The following CCDC63 variants were observed in gnomAD, a reference collection of about 807,000 sequenced individuals.
CCDC63 encodes coiled-coil domain containing 63.
CCDC63 carries 54 observed loss-of-function variants against 63.6 expected under a neutral mutation model. The ratio of observed to expected loss-of-function variants is 0.85; its 90% confidence interval spans 0.68 to 1.07. The LOEUF (loss-of-function observed/expected upper bound fraction) is 1.07. CCDC63 is among the 50% of genes least tolerant of loss of function. The probability of loss-of-function intolerance (pLI) is 0.00; values close to 1 mark genes in which losing one functional copy is unlikely to be tolerated. For missense variants in CCDC63, 637 were observed against 689.6 expected, an observed-to-expected ratio of 0.92 and a Z score of 0.86; for synonymous variants, 253 against 266.1, an observed-to-expected ratio of 0.95 and a Z score of 0.48.
intron 5 of CCDC63, among the ~76,000 whole-genome samples, chr12:110,876,123 AG>A (rs1210463165): frequency 6.9e-6 from 1 of 145,868 alleles, no homozygotes; most frequent in African/African-American, 2.5e-5. Flanking sequence ...AAAAAAAAAA[AG>A]GTTAGGCAGC....
chr12:110,866,366 A>G, intron 4 of CCDC63, among the ~76,000 whole-genome samples: 1 of 141,262 alleles, frequency 7.1e-6, no homozygotes, highest in African/African-American at 2.7e-5. Flanking sequence ...TTTCTCACAG[A>G]GGGGGATTTG....
chr12:110,898,547 G>A (rs1008834921), intron 9 of CCDC63, among the ~76,000 whole-genome samples: 1 of 151,096 alleles, frequency 6.6e-6, no homozygotes, highest in African/African-American at 2.4e-5. Context: ...GAACCTGGGA[G>A]GCAGAGGTTG....
intron 10 of CCDC63, among the ~76,000 whole-genome samples, chr12:110,901,870 A>G (rs1233840787): frequency 6.6e-6 from 1 of 151,474 alleles, no homozygotes; most frequent in Non-Finnish European, 1.5e-5. Flanking sequence ...TGCTCTCATC[A>G]CCTAGGCTGG....
At chr12:110,880,548 G>A (rs1346569918) in intron 6 of CCDC63, among the ~76,000 whole-genome samples, 2 of 151,798 alleles carry the variant, frequency 1.3e-5, no homozygotes, top group African/African-American at 2.4e-5. Context: ...GTCAGATCTG[G>A]GTTTAAATCC....
At chr12:110,870,637 T>C (rs957448849) in intron 4 of CCDC63, among the ~76,000 whole-genome samples, 3 of 152,132 alleles carry the variant, frequency 2.0e-5, no homozygotes, top group African/African-American at 7.2e-5. Context: ...CCCATTGCCC[T>C]TCTATGAGGC....
At chr12:110,867,859 G>T (rs2070993632) in intron 4 of CCDC63, among the ~76,000 whole-genome samples, 1 of 151,836 alleles carries the variant, frequency 6.6e-6, no homozygotes, top group African/African-American at 2.4e-5. Flanking sequence ...CCCGGACGGG[G>T]TGGCTGCCAG....
At position 110,889,004 on chromosome 12, in the gene CCDC63, T is replaced by A; in HGVS notation, c.1075-4072T>A. Among the ~76,000 whole-genome samples the A allele has an allele frequency of 6.6e-6, 1 of 152,114 alleles. No homozygotes were observed. Among genetic ancestry groups the A allele is most frequent in the Non-Finnish European group, 1.5e-5 (1 of 68,030 alleles). On this transcript the variant is annotated intron_variant, in intron 8 of 11. Coordinates refer to ENST00000308208, the MANE Select transcript of CCDC63 (RefSeq NM_152591.3). The surrounding 1 kb of genome is among the most constrained non-coding windows in gnomAD (Gnocchi z 4.1). ...GTCTCATCTCAGCCTCCAGAGTGGC[T>A]GGGACTACAGGCACACACCACCACA...
chr12:110,850,479 C>T (rs185949054), intron 1 of CCDC63, among the ~76,000 whole-genome samples: 56 of 152,280 alleles, frequency 3.7e-4, no homozygotes, highest in Admixed American at 2.2e-3. Context: ...TGGTGGTTCA[C>T]GCCTGTAATC....
At chr12:110,874,076 G>T in intron 5 of CCDC63, 115 bp downstream of exon 5, 2 of 1,384,012 alleles carry the variant, frequency 1.4e-6, no homozygotes, top group South Asian at 1.5e-5. Flanking sequence ...GTTGACTCAG[G>T]AGCAGGTGAA....
intron 9 of CCDC63, among the ~76,000 whole-genome samples, chr12:110,896,485 A>G (rs557061344): frequency 1.3e-5 from 2 of 152,246 alleles, no homozygotes; most frequent in African/African-American, 4.8e-5. Context: ...CACCTGTAAA[A>G]TAGGGGTGTG....
At chr12:110,883,448 G>T (rs1054324524) in intron 7 of CCDC63, among the ~76,000 whole-genome samples, 3 of 152,188 alleles carry the variant, frequency 2.0e-5, no homozygotes, top group African/African-American at 7.2e-5. Flanking sequence ...ACCATGCCCG[G>T]CCAGGGCAGG....
chr12:110,852,993 C>T (rs2070724573), intron 2 of CCDC63, 30 bp downstream of exon 2: 13 of 1,612,070 alleles, frequency 8.1e-6, no homozygotes, highest in Admixed American at 3.3e-5. Flanking sequence ...AGCCACAGAG[C>T]ACCTACTATG....
At chr12:110,892,730 C>T (rs12810044) in intron 8 of CCDC63, among the ~76,000 whole-genome samples, 32,061 of 151,610 alleles carry the variant, frequency 0.21, 3,697 homozygotes, top group Admixed American at 0.28. Flanking sequence ...GCAGGAGAAT[C>T]GCTTGAACCT....
chr12:110,853,641 C>T, intron 3 of CCDC63, 67 bp downstream of exon 3: 1 of 1,582,288 alleles, frequency 6.3e-7, no homozygotes, highest in Non-Finnish European at 8.7e-7. Context: ...CTTCATGTTG[C>T]TTGTCTTCTG....
intron 7 of CCDC63, among the ~76,000 whole-genome samples, chr12:110,883,819 T>C (rs2071240611): frequency 6.6e-6 from 1 of 152,154 alleles, no homozygotes; most frequent in East Asian, 1.9e-4. Context: ...TTTGCATTTT[T>C]AGTAGAGACG....
At chr12:110,879,880 G>A in intron 5 of CCDC63, 26 bp from the exon 6 acceptor site, 1 of 1,611,204 alleles carries the variant, frequency 6.2e-7, no homozygotes, top group Non-Finnish European at 8.5e-7. Context: ...AATGAGACCT[G>A]TTTTGAAGCA....
chr12:110,861,948 C>G (rs1053009343), intron 4 of CCDC63, among the ~76,000 whole-genome samples: 1 of 152,064 alleles, frequency 6.6e-6, no homozygotes, highest in Non-Finnish European at 1.5e-5. Flanking sequence ...CCCGAAATAC[C>G]TTGTGTCTCC....
intron 4 of CCDC63, among the ~76,000 whole-genome samples, chr12:110,869,750 C>A (rs889992680): frequency 2.0e-5 from 3 of 152,046 alleles, no homozygotes; most frequent in African/African-American, 7.2e-5. Flanking sequence ...TTCCTGCCAG[C>A]CATGGCAGTG....
chr12:110,901,486 C>T (rs2071486746), intron 10 of CCDC63, among the ~76,000 whole-genome samples: 1 of 152,078 alleles, frequency 6.6e-6, no homozygotes, highest in Non-Finnish European at 1.5e-5. Context: ...CCTTGGCCTC[C>T]CAAAGTGCTG....
Sources: gnomAD v4.1 joint callset for allele counts (sites outside exome capture counted in the v4.1 genomes callset) on GRCh38, gnomAD v4.1.1 for gene constraint, Gnocchi (gnomAD v3.1) non-coding constraint, MANE v1.5 for transcripts, NCBI Gene and HGNC (gene_info 2026-07-23, HGNC 2026-07-21) for gene names.